The following PCDHGB3 variants were observed in gnomAD, a reference collection of about 807,000 sequenced individuals.
PCDHGB3 encodes the protein protocadherin gamma-B3.
Under a neutral mutation model 59.2 loss-of-function variants are expected in PCDHGB3, and 40 were observed. The observed-to-expected ratio is 0.68, with a 90% CI of 0.52 to 0.88. PCDHGB3 has a LOEUF of 0.88. PCDHGB3 is among the 40% of genes least tolerant of loss of function. The probability of loss-of-function intolerance (pLI) is 0.00; values close to 1 mark genes in which losing one functional copy is unlikely to be tolerated. For synonymous variants in PCDHGB3, 581 were observed against 503.6 expected (o/e 1.15, Z -2.06); for missense variants, 1,309 against 1,187.9 (o/e 1.10, Z -1.50).
chr5:141,502,457 A>G lies in PCDHGB3; in HGVS notation c.2475-2936A>G, dbSNP rs950959171. 6.6e-5 allele frequency among the ~76,000 whole-genome samples: 10 copies of G among 151,926 alleles called. No individual in the cohort carries two copies. The South Asian group carries it at 1.7e-3, about 25-fold the overall frequency. On this transcript the variant is annotated intron_variant, in intron 2 of 3. Coordinates refer to ENST00000576222, the MANE Select transcript of PCDHGB3 (RefSeq NM_018924.5). The stretch of plus-strand genomic sequence containing the variant: ...TTAGATTCAGATTACACACCTTGGT[A>G]GGAATACTTCCCGCAGCATCACACT...
chr5:141,459,444 T>C (rs1485634547), intron 1 of PCDHGB3, among the ~76,000 whole-genome samples: 1 of 152,244 alleles, frequency 6.6e-6, no homozygotes, highest in Non-Finnish European at 1.5e-5. Context: ...TTCATTCAAC[T>C]GTTGGTGGAC....
At chr5:141,395,346 T>C in intron 1 of PCDHGB3, 1 of 1,396,344 alleles carries the variant, frequency 7.2e-7, no homozygotes. Context: ...TTAAGGTGTA[T>C]CACAGAGTTT....
intron 1 of PCDHGB3, chr5:141,375,049 G>C (rs1176998287): frequency 1.2e-6 from 2 of 1,614,010 alleles, no homozygotes; most frequent in Non-Finnish European, 1.7e-6. Context: ...TTGAAGCCCG[G>C]GATGGGCCAG....
chr5:141,470,837 G>A (rs932315417), intron 1 of PCDHGB3, among the ~76,000 whole-genome samples: 4 of 151,948 alleles, frequency 2.6e-5, no homozygotes, highest in Non-Finnish European at 4.4e-5. Flanking sequence ...ACAAACACAC[G>A]CCACCATGCT....
chr5:141,457,118 A>G (rs1427146922), intron 1 of PCDHGB3, among the ~76,000 whole-genome samples: 3 of 152,228 alleles, frequency 2.0e-5, no homozygotes, highest in Non-Finnish European at 4.4e-5. Context: ...TACGACAGCA[A>G]TGGAAACTCT....
chr5:141,404,919 C>T, intron 1 of PCDHGB3: 1 of 1,613,924 alleles, frequency 6.2e-7, no homozygotes, highest in Non-Finnish European at 8.5e-7. Context: ...CCTCTCTCGG[C>T]CACTGTCACG....
At chr5:141,419,432 C>A (rs2096381830) in intron 1 of PCDHGB3, 1 of 1,613,160 alleles carries the variant, frequency 6.2e-7, no homozygotes, top group Non-Finnish European at 8.5e-7. Flanking sequence ...CCACGAGCAG[C>A]TGCGCACCTT....
In PCDHGB3 at chr5:141,511,070, G is replaced by A. The variant is rs1341623011; in HGVS notation, c.2687G>A (p.Gly896Asp). ...PDYRQNVYIP[G>D]SNATLTNAAG... ...TACCGCCAGAATGTCTACATCCCAG[G>A]CAGCAATGCCACACTGACCAACGCA... The change falls in exon 4 of 4, where the codon GGC (glycine) becomes GAC (aspartate). Residue 896 changes from glycine to aspartate, a missense_variant. Physicochemically the swap from Gly to Asp is moderately conservative, Grantham distance 94 (BLOSUM62 -1). Transcript: ENST00000576222. 2.5e-6 allele frequency: 4 copies of A among 1,614,218 alleles called. No homozygotes were observed. Among genetic ancestry groups the A allele is most frequent in the Admixed American group, 1.7e-5 (1 of 60,030 alleles).
chr5:141,476,509 C>G lies in PCDHGB3; in HGVS notation c.2416-18298C>G. 6.2e-7 allele frequency: 1 copy of G among 1,614,144 alleles called. No individual in the cohort carries two copies. Among genetic ancestry groups the G allele is most frequent in the Non-Finnish European group, 8.5e-7 (1 of 1,180,022 alleles). ...TGGTGATCCAGGACATCAACGACAACAATCCTGCTTTCCCTACCCAGGAAA... is the reference window on the plus strand; with the variant it reads ...TGGTGATCCAGGACATCAACGACAAGAATCCTGCTTTCCCTACCCAGGAAA... On this transcript the variant is annotated intron_variant, in intron 1 of 3. Transcript: ENST00000576222. This position sits in a 1 kb window ranked among gnomAD's most constrained non-coding sequence, Gnocchi z 7.6.
chr5:141,436,035 A>G (rs957896521), intron 1 of PCDHGB3, among the ~76,000 whole-genome samples: 3 of 152,178 alleles, frequency 2.0e-5, no homozygotes, highest in Non-Finnish European at 4.4e-5. Flanking sequence ...CTAAATTTGT[A>G]TTTACATTAG....
intron 1 of PCDHGB3, chr5:141,404,839 T>C: frequency 6.2e-7 from 1 of 1,613,458 alleles, no homozygotes; most frequent in Non-Finnish European, 8.5e-7. Context: ...TGCGCACAGC[T>C]CGGGCCCTGC....
rs1591337394 is a variant in PCDHGB3, at chr5:141,434,573, C to A, written c.2416-60234C>A. 2.0e-5 allele frequency among the ~76,000 whole-genome samples: 3 copies of A among 152,336 alleles called. No individual in the cohort carries two copies. The South Asian group carries it at 6.2e-4, about 32-fold the overall frequency. On this transcript the variant is annotated intron_variant, in intron 1 of 3. Transcript: ENST00000576222. The stretch of plus-strand genomic sequence containing the variant: ...TCTGTGCCTTAAGGACATGCCCCTG[C>A]TGCAGATAACTACCTCAATCCATCC...
chr5:141,403,762 T>G (rs1217388200), intron 1 of PCDHGB3: 1 of 1,613,854 alleles, frequency 6.2e-7, no homozygotes, highest in Non-Finnish European at 8.5e-7. Flanking sequence ...GCGACCTGGA[T>G]GAGGGAATCA....
chr5:141,421,384 C>T (rs960627405), intron 1 of PCDHGB3: 5 of 1,613,928 alleles, frequency 3.1e-6, no homozygotes, highest in Non-Finnish European at 4.2e-6. Context: ...CTCCAAGGAC[C>T]TGGGGCTGGA....
rs773688197 is a variant in PCDHGB3, at chr5:141,432,412, C to T, written c.2415+59603C>T. On this transcript the variant is annotated intron_variant, in intron 1 of 3. Transcript: ENST00000576222. This position sits in a 1 kb window ranked among gnomAD's most constrained non-coding sequence, Gnocchi z 6.0. ...GCAGCAACGTGTCGTTGAGCCTGTT[C>T]GTGCTGGACCAGAACGACAATGCGC... 5 of 1,614,128 alleles carry T rather than the reference C, an allele frequency of 3.1e-6. No individual in the cohort carries two copies. The highest frequency in any genetic ancestry group is 4.5e-5 in the East Asian group (2 of 44,894).
At chr5:141,399,279 C>T (rs370090713) in intron 1 of PCDHGB3, 76 of 1,613,576 alleles carry the variant, frequency 4.7e-5, no homozygotes, top group Non-Finnish European at 5.0e-5. Flanking sequence ...AATTACAAGG[C>T]GAAGTCCCTT....
At chr5:141,419,674 C>T (rs372932653) in intron 1 of PCDHGB3, 48 of 1,612,820 alleles carry the variant, frequency 3.0e-5, no homozygotes, top group Non-Finnish European at 3.7e-5. Context: ...CCTGGCTGTC[C>T]TACCACGTGG....
intron 1 of PCDHGB3, chr5:141,478,553 T>G (rs1593930915): frequency 6.2e-7 from 1 of 1,602,704 alleles, no homozygotes; most frequent in Non-Finnish European, 8.5e-7. Context: ...ACAGGTAAGG[T>G]TTAGCAAGTC....
intron 1 of PCDHGB3, among the ~76,000 whole-genome samples, chr5:141,436,557 A>G (rs1224841336): frequency 6.6e-6 from 1 of 152,218 alleles, no homozygotes; most frequent in Non-Finnish European, 1.5e-5. Flanking sequence ...GAGCTTCAGC[A>G]AAGTAGGAAT....
Sources: gnomAD v4.1 joint callset for allele counts (sites outside exome capture counted in the v4.1 genomes callset) on GRCh38, gnomAD v4.1.1 for gene constraint, Gnocchi (gnomAD v3.1) non-coding constraint, MANE v1.5 for transcripts, NCBI Gene and HGNC (gene_info 2026-07-23, HGNC 2026-07-21) for gene names.